TBC1D9: variants seen among roughly 807,000 people sequenced by gnomAD.
TBC1D9 encodes TBC1 domain family member 9.
TBC1D9 carries 63 observed loss-of-function variants against 132.0 expected under a neutral mutation model. That is an observed-to-expected ratio of 0.48 (90% CI 0.39 to 0.59). The LOEUF is 0.59. Ranked by LOEUF, TBC1D9 falls within the 20% of genes least tolerant of loss-of-function variation. The pLI is 0.00. For missense variants in TBC1D9, 1,261 were observed against 1,592.7 expected (o/e 0.79, Z 3.54); for synonymous variants, 610 against 609.9 (o/e 1.00, Z 0.00).
At chr4:140,642,885 T>TG (rs1737029098) in intron 13 of TBC1D9, 1 of 580,122 alleles carries the variant, frequency 1.7e-6, no homozygotes, top group Non-Finnish European at 3.0e-6. Context: ...CAAGCTTCCA[T>TG]GGGACTCCTC....
At chr4:140,697,803 G>T (rs1484834724) in intron 2 of TBC1D9, among the ~76,000 whole-genome samples, 1 of 152,166 alleles carries the variant, frequency 6.6e-6, no homozygotes, top group Non-Finnish European at 1.5e-5. Context: ...TGACAACAAA[G>T]GTAATGGCTC....
chr4:140,737,543 T>C (rs4555724), intron 1 of TBC1D9, among the ~76,000 whole-genome samples: 50,777 of 151,690 alleles, frequency 0.33, 9,887 homozygotes, highest in South Asian at 0.53. Context: ...AGAGCTGTGG[T>C]TGAAGGGATC....
intron 1 of TBC1D9, among the ~76,000 whole-genome samples, chr4:140,710,042 A>G (rs1170308785): frequency 6.6e-6 from 1 of 152,168 alleles, no homozygotes; most frequent in Non-Finnish European, 1.5e-5. Context: ...GCTCTAGGGC[A>G]GTCATGTTCT....
chr4:140,737,454 C>A (rs1738691877), intron 1 of TBC1D9, among the ~76,000 whole-genome samples: 1 of 151,674 alleles, frequency 6.6e-6, no homozygotes, highest in Non-Finnish European at 1.5e-5. Flanking sequence ...CTCTCTCTCT[C>A]TCTCTCTCTC....
intron 1 of TBC1D9, among the ~76,000 whole-genome samples, chr4:140,711,951 T>A (rs2111048955): frequency 6.6e-6 from 1 of 152,332 alleles, no homozygotes; most frequent in South Asian, 2.1e-4. Context: ...ATCTCAAATG[T>A]ACATTCAATA....
At chr4:140,669,466 T>G (rs1229422749) in intron 8 of TBC1D9, among the ~76,000 whole-genome samples, 168 bp downstream of exon 8, 1 of 152,216 alleles carries the variant, frequency 6.6e-6, no homozygotes, top group Non-Finnish European at 1.5e-5. Context: ...ACTCATCTCC[T>G]TCCATGAAGC....
intron 18 of TBC1D9, 82 bp downstream of exon 18, chr4:140,627,345 TCTTTGATTGACTAG>T (rs1736724883): frequency 1.3e-6 from 1 of 773,928 alleles, no homozygotes; most frequent in Admixed American, 2.4e-5. Context: ...TTTACATACT[TCTTTGATTGACTAG>T]CTTTGGAGGC....
At chr4:140,716,274 C>T (rs1738332557) in intron 1 of TBC1D9, among the ~76,000 whole-genome samples, 1 of 152,056 alleles carries the variant, frequency 6.6e-6, no homozygotes, top group Non-Finnish European at 1.5e-5. Flanking sequence ...ATTGCTTGAG[C>T]CCAGGAGTTG....
At chr4:140,718,223 GT>G (rs543663893) in intron 1 of TBC1D9, among the ~76,000 whole-genome samples, 2 of 122,776 alleles carry the variant, frequency 1.6e-5, no homozygotes, top group South Asian at 2.6e-4. Context: ...GATATACCTA[GT>G]TTTTTTTCTG....
intron 17 of TBC1D9, 91 bp from the exon 18 acceptor site, chr4:140,627,618 G>T: frequency 1.1e-6 from 1 of 874,010 alleles, no homozygotes; most frequent in Non-Finnish European, 1.8e-6. Context: ...ACATAAGTGG[G>T]GATGAAAAGC....
intron 3 of TBC1D9, 99 bp downstream of exon 3, chr4:140,686,245 A>C (rs1225214807): frequency 1.2e-5 from 9 of 725,776 alleles, no homozygotes; most frequent in Non-Finnish European, 2.0e-5. Context: ...AATTTGGGCA[A>C]AGGGTATACA....
chr4:140,665,066 C>G (rs1041035686), intron 9 of TBC1D9, among the ~76,000 whole-genome samples: 3 of 147,406 alleles, frequency 2.0e-5, no homozygotes, highest in Non-Finnish European at 4.5e-5. Context: ...AAGATTATGC[C>G]ATTGCACTCC....
chr4:140,674,870 T>C (rs989770268), intron 6 of TBC1D9, among the ~76,000 whole-genome samples: 2 of 151,806 alleles, frequency 1.3e-5, no homozygotes, highest in Non-Finnish European at 2.9e-5. Flanking sequence ...AGCTAATTTT[T>C]TTAAATTTTT....
chr4:140,639,431 G>A lies in TBC1D9; in HGVS notation c.2338-3C>T, dbSNP rs746444959. 8 of 1,602,420 alleles carry A rather than the reference G, an allele frequency of 5.0e-6. No individual in the cohort carries two copies. In the African/African-American group the frequency reaches 9.4e-5, roughly 19 times the overall value. On this transcript the variant is annotated splice_region_variant and splice_polypyrimidine_tract_variant and intron_variant, in intron 13 of 20. Transcript: ENST00000442267. Reference sequence around the variant, plus strand: ...TCTGCCCGGATAGTTCCGAATTTCTGTAAAGGAGCAATATTGGTGTCTCTG... The same window carrying A: ...TCTGCCCGGATAGTTCCGAATTTCTATAAAGGAGCAATATTGGTGTCTCTG...
rs548358953 is a variant in TBC1D9 at position 140,639,495 on chromosome 4, A to G, written c.2338-67T>C. 7.2e-6 allele frequency: 8 copies of G among 1,118,462 alleles called. No individual in the cohort carries two copies. In the African/African-American group the frequency reaches 1.2e-4, roughly 17 times the overall value. The allele number at this position is 1,118,462 out of a possible 1,614,324, so 69.3% of individuals were successfully genotyped here. ...CAGCACACAATGTCCTGTCTGCAGA[A>G]TGCCTGCAACACACTCTTGACACAT... is the stretch of plus-strand genomic sequence containing the variant. On this transcript the variant is annotated intron_variant, in intron 13 of 20. Transcript: ENST00000442267.
At chr4:140,652,919 C>T (rs575948587) in intron 13 of TBC1D9, among the ~76,000 whole-genome samples, 5 of 152,348 alleles carry the variant, frequency 3.3e-5, no homozygotes, top group East Asian at 1.9e-4. Context: ...TGGGTCATCT[C>T]GAACATGAAG....
intron 1 of TBC1D9, among the ~76,000 whole-genome samples, chr4:140,731,081 AG>A (rs1211443965): frequency 1.3e-5 from 2 of 152,156 alleles, no homozygotes; most frequent in African/African-American, 4.8e-5. Context: ...TAGAAATGCA[AG>A]GGGGAAAGGC....
rs760937906 is a variant in TBC1D9, at chr4:140,639,357, C to T, written c.2409G>A (p.Thr803=). ...RFKQRLKVIQ[T]LEDTTKRNVV... is the part of the protein sequence containing the mutation. Reference sequence around the variant, plus strand: ...CGTTGCGTTTCGTAGTATCCTCCAGCGTCTGGATCACTTTCAGTCTCTGTT... The same window carrying T: ...CGTTGCGTTTCGTAGTATCCTCCAGTGTCTGGATCACTTTCAGTCTCTGTT... Residue 803 remains threonine, a synonymous_variant, in exon 14 of 21, where the codon ACG becomes ACA. Transcript: ENST00000442267. 46 of 1,612,708 alleles carry T rather than the reference C, an allele frequency of 2.9e-5. No homozygotes were observed. Among genetic ancestry groups the T allele is most frequent in the East Asian group, 4.5e-5 (2 of 44,886 alleles).
At chr4:140,702,981 C>T (rs1272883336) in intron 1 of TBC1D9, among the ~76,000 whole-genome samples, 2 of 152,094 alleles carry the variant, frequency 1.3e-5, no homozygotes, top group South Asian at 2.1e-4. Flanking sequence ...ATTACTACCC[C>T]AGGATTGTTT....
Sources: allele counts gnomAD v4.1 joint callset (sites outside exome capture counted in the v4.1 genomes callset), GRCh38; gene constraint gnomAD v4.1.1; transcripts MANE v1.5; gene names NCBI Gene and HGNC (gene_info 2026-07-23, HGNC 2026-07-21).